ORC3: variants seen among roughly 807,000 people sequenced by gnomAD.
ORC3 encodes the protein homolog of latheo, Drosophila.
A neutral mutation model predicts 100.7 loss-of-function variants in ORC3; 78 were observed. The ratio of observed to expected loss-of-function variants is 0.77; its 90% CI spans 0.65 to 0.94. The LOEUF (loss-of-function observed/expected upper bound fraction) is 0.94. ORC3 is among the 40% of genes least tolerant of loss of function. ORC3 has a pLI of 0.00. For synonymous variants in ORC3, 295 were observed against 289.3 expected, an observed-to-expected ratio of 1.02 and a Z score of -0.20; for missense variants, 789 against 823.9, an observed-to-expected ratio of 0.96 and a Z score of 0.52.
At position 87,640,133 on chromosome 6, in the gene ORC3, CCTT is replaced by C. The variant is rs1562362780; in HGVS notation, c.1382+3652_1382+3654del. On this transcript the variant is annotated intron_variant, in intron 13 of 19. Transcript: ENST00000392844. Reference sequence around the variant, plus strand: ...CTTATCTTGTAAAGGGAATGTGTCCCCTTCTTCAGCCAGCCTCTAGTGTATTTC... The same window carrying C: ...CTTATCTTGTAAAGGGAATGTGTCCCCTTCAGCCAGCCTCTAGTGTATTTC... 1.3e-4 allele frequency among the ~76,000 whole-genome samples: 12 copies of C among 94,886 alleles called. No individual in the cohort carries two copies. In the South Asian group the frequency reaches 2.9e-3, roughly 23 times the overall value. The allele number at this position is 94,886 out of a possible 152,430, so 62.2% of individuals were successfully genotyped here.
At chr6:87,614,085 C>T (rs1204998083) in intron 8 of ORC3, among the ~76,000 whole-genome samples, 3 of 152,232 alleles carry the variant, frequency 2.0e-5, no homozygotes, top group Non-Finnish European at 4.4e-5. Flanking sequence ...GACCCTGCCC[C>T]TACAGCAAAC....
intron 16 of ORC3, among the ~76,000 whole-genome samples, chr6:87,659,067 T>G (rs1161840516): frequency 6.9e-6 from 1 of 145,576 alleles, no homozygotes; most frequent in Non-Finnish European, 1.5e-5. Flanking sequence ...AATTTTTTTT[T>G]TTTTTTTTTT....
At chr6:87,640,180 C>A (rs1388921385) in intron 13 of ORC3, among the ~76,000 whole-genome samples, 1 of 152,066 alleles carries the variant, frequency 6.6e-6, no homozygotes, top group African/African-American at 2.4e-5. Context: ...CAAAACCTCC[C>A]AATAAAACTG....
chr6:87,615,240 G>C (rs1330033972), intron 8 of ORC3, among the ~76,000 whole-genome samples: 3 of 152,104 alleles, frequency 2.0e-5, no homozygotes, highest in Non-Finnish European at 4.4e-5. Context: ...CATGAGAACA[G>C]CATGGGAAAG....
chr6:87,661,972 TATTAAA>T (rs1464276795), intron 16 of ORC3, among the ~76,000 whole-genome samples: 1 of 152,188 alleles, frequency 6.6e-6, no homozygotes, highest in Non-Finnish European at 1.5e-5. Context: ...GTTCCGAATT[TATTAAA>T]ATTGTTTTAT....
intron 13 of ORC3, among the ~76,000 whole-genome samples, chr6:87,640,975 G>A (rs1469385706): frequency 6.6e-6 from 1 of 152,098 alleles, no homozygotes; most frequent in Non-Finnish European, 1.5e-5. Flanking sequence ...CAGGCGTGGT[G>A]GCAAGCACCT....
chr6:87,671,799 C>A (rs1308190037), downstream of ORC3, among the ~76,000 whole-genome samples: 1 of 152,086 alleles, frequency 6.6e-6, no homozygotes, highest in Non-Finnish European at 1.5e-5. Flanking sequence ...AGAGAGGAGA[C>A]GAACTCTAAT....
intron 1 of ORC3, among the ~76,000 whole-genome samples, chr6:87,593,972 G>T (rs2128242545): frequency 6.6e-6 from 1 of 152,384 alleles, no homozygotes. Context: ...TGGGATTACA[G>T]GCATGAGCCA....
intron 6 of ORC3, 107 bp from the exon 7 acceptor site, chr6:87,608,989 A>G (rs1372329080): frequency 1.2e-6 from 1 of 828,756 alleles, no homozygotes; most frequent in Non-Finnish European, 1.8e-6. Context: ...AAAAATAAAC[A>G]GTGTTATTGT....
chr6:87,676,603 A>G, the ORC3 span, among the ~76,000 whole-genome samples: 57 of 66,774 alleles, frequency 8.5e-4, no homozygotes, highest in Middle Eastern at 0.015. Context: ...AAAAACACAC[A>G]CACACACACA....
chr6:87,632,663 G>C (rs1049003721), intron 11 of ORC3, among the ~76,000 whole-genome samples: 4 of 152,126 alleles, frequency 2.6e-5, no homozygotes, highest in Admixed American at 6.5e-5. Context: ...AGGAGATCAA[G>C]ACCAGCCTGG....
At position 87,607,717 on chromosome 6, in the gene ORC3, T is replaced by TG. The variant is rs770244962; in HGVS notation, c.473dup (p.Cys158TrpfsTer51). The TG allele has an allele frequency of 1.2e-6, 2 of 1,610,242 alleles. No individual in the cohort carries two copies. Among genetic ancestry groups the TG allele is most frequent in the Non-Finnish European group, 1.7e-6 (2 of 1,177,662 alleles). The stretch of plus-strand genomic sequence containing the variant: ...AAAGTTGATCTCACAGTTGATGGAC[T>TG]GCTGTGTAGATATAAAATCCAAAGA... On this transcript the variant is annotated frameshift_variant, in exon 6 of 20. Coordinates refer to ENST00000392844, the MANE Select transcript of ORC3 (RefSeq NM_012381.4). LOFTEE classifies it high-confidence loss of function.
At chr6:87,596,055 G>T (rs2072918807) in intron 2 of ORC3, among the ~76,000 whole-genome samples, 1 of 151,398 alleles carries the variant, frequency 6.6e-6, no homozygotes, top group Admixed American at 6.6e-5. Context: ...TGCCCAGGTT[G>T]GTCCTGAATT....
chr6:87,647,711 T>G (rs563587049), intron 13 of ORC3, among the ~76,000 whole-genome samples: 28 of 152,332 alleles, frequency 1.8e-4, no homozygotes, highest in Non-Finnish European at 2.9e-4. Flanking sequence ...TAGTGTGCAT[T>G]CAATAAATAT....
At chr6:87,628,378 G>C (rs1780077959) in intron 11 of ORC3, among the ~76,000 whole-genome samples, 1 of 152,172 alleles carries the variant, frequency 6.6e-6, no homozygotes, top group Admixed American at 6.5e-5. Flanking sequence ...TACATTTGTA[G>C]GTGATTTGCT....
intron 11 of ORC3, among the ~76,000 whole-genome samples, chr6:87,631,383 G>C (rs954619207): frequency 1.6e-4 from 25 of 152,176 alleles, no homozygotes; most frequent in African/African-American, 6.0e-4. Flanking sequence ...GCTATGACTA[G>C]TGTGCAGAAA....
chr6:87,635,041 C>A (rs763442494), intron 12 of ORC3, 80 bp downstream of exon 12: 5 of 806,374 alleles, frequency 6.2e-6, no homozygotes, highest in Non-Finnish European at 8.9e-6. Flanking sequence ...AGCATTCAGG[C>A]ATCAGAATGT....
intron 9 of ORC3, among the ~76,000 whole-genome samples, chr6:87,617,164 T>A (rs560520527): frequency 6.6e-6 from 1 of 152,280 alleles, no homozygotes; most frequent in South Asian, 2.1e-4. Context: ...TCTTTAATAA[T>A]CCTTTAAAGA....
chr6:87,595,660 A>G (rs28385632), intron 2 of ORC3, among the ~76,000 whole-genome samples: 10,950 of 152,202 alleles, frequency 0.072, 551 homozygotes, highest in African/African-American at 0.15. Flanking sequence ...ACAGTTCTCA[A>G]TCACTCTTCA....
Sources: gnomAD v4.1 joint callset for allele counts (sites outside exome capture counted in the v4.1 genomes callset) on GRCh38, gnomAD v4.1.1 for gene constraint, MANE v1.5 for transcripts, NCBI Gene and HGNC (gene_info 2026-07-23, HGNC 2026-07-21) for gene names.